WDR93: variants seen among roughly 807,000 people sequenced by gnomAD.
WDR93 encodes WD repeat-containing protein 93.
A neutral mutation model predicts 82.9 loss-of-function variants in WDR93; 73 were observed. The ratio of observed to expected loss-of-function variants is 0.88; its 90% CI spans 0.73 to 1.07. The LOEUF (loss-of-function observed/expected upper bound fraction) is 1.07, where lower values mean the gene tolerates loss of function less well. Among genes scored for constraint, WDR93 ranks in the 50% least tolerant of loss-of-function variants. The pLI is 0.00. For missense variants in WDR93, 738 were observed against 826.0 expected (o/e 0.89, Z 1.31); for synonymous variants, 283 against 300.1 (o/e 0.94, Z 0.59).
At position 89,737,569 on chromosome 15, in the gene WDR93, C is replaced by T. The variant is rs1459700231; in HGVS notation, c.1609-4C>T. 3 of 1,614,166 alleles carry T rather than the reference C, an allele frequency of 1.9e-6. No homozygotes were observed. Among genetic ancestry groups the T allele is most frequent in the Non-Finnish European group, 1.7e-6 (2 of 1,180,012 alleles). The stretch of plus-strand genomic sequence containing the variant: ...GCCCCCCTCACCATCTCTTTGCTTC[C>T]CAGGTGCTCATCTTTTCCAAGAATG... On this transcript the variant is annotated splice_polypyrimidine_tract_variant and splice_region_variant and intron_variant, in intron 14 of 16. Transcript: ENST00000268130.
At chr15:89,691,918 G>A (rs1300086878) in intron 1 of WDR93, among the ~76,000 whole-genome samples, 1 of 152,112 alleles carries the variant, frequency 6.6e-6, no homozygotes, top group Admixed American at 6.5e-5. Flanking sequence ...TTGACAAATA[G>A]ACCCTCATAA....
At chr15:89,738,355 G>C in intron 16 of WDR93, 119 bp downstream of exon 16, 1 of 1,245,486 alleles carries the variant, frequency 8.0e-7, no homozygotes, top group Non-Finnish European at 1.1e-6. Context: ...GGCTGGGCGT[G>C]GTGGCTCACG....
chr15:89,737,684 C>T lies in WDR93; in HGVS notation c.1720C>T (p.Pro574Ser). The T allele has an allele frequency of 6.2e-7, 1 of 1,614,182 alleles. No homozygotes were observed. ...GAFPLEVPWK[P>S]VFAVSPDHPC... Reference sequence around the variant, plus strand: ...CTTTCCTCTGGAGGTCCCCTGGAAGCCAGTGTTTGCTGTGTCTCCAGACCA... The same window carrying T: ...CTTTCCTCTGGAGGTCCCCTGGAAGTCAGTGTTTGCTGTGTCTCCAGACCA... The change falls in exon 15 of 17, where the codon CCA becomes TCA. Residue 574 changes from proline to serine, a missense_variant. Pro to Ser is a moderately conservative substitution (Grantham distance 74). Transcript: ENST00000268130.
intron 11 of WDR93, 74 bp from the exon 12 acceptor site, chr15:89,731,369 C>T: frequency 6.3e-7 from 1 of 1,588,222 alleles, no homozygotes; most frequent in Non-Finnish European, 8.6e-7. Flanking sequence ...GTCTGAGTCA[C>T]AGGTTGTCCA....
intron 11 of WDR93, 134 bp from the exon 12 acceptor site, chr15:89,731,309 G>A: frequency 7.8e-7 from 1 of 1,285,456 alleles, no homozygotes; most frequent in South Asian, 1.4e-5. Context: ...AAGGATGATG[G>A]TGAGTCCAGA....
At position 89,731,428 on chromosome 15, in the gene WDR93, T is replaced by G; in HGVS notation, c.1211-15T>G. 1 of 1,613,928 alleles carries G rather than the reference T, an allele frequency of 6.2e-7. No individual in the cohort carries two copies. The highest frequency in any genetic ancestry group is 8.5e-7 in the Non-Finnish European group (1 of 1,179,890). Reference sequence around the variant, plus strand: ...GAGTCTGGGGGAACCGGTTGAGTATTGTCCTTCCCCCTAGACCCCGAGGGT... The same window carrying G: ...GAGTCTGGGGGAACCGGTTGAGTATGGTCCTTCCCCCTAGACCCCGAGGGT... On this transcript the variant is annotated splice_polypyrimidine_tract_variant and intron_variant, in intron 11 of 16. Transcript: ENST00000268130.
intron 4 of WDR93, among the ~76,000 whole-genome samples, chr15:89,708,440 A>T (rs539739346): frequency 1.1e-4 from 17 of 152,192 alleles, no homozygotes; most frequent in African/African-American, 4.1e-4. Context: ...AGCTGGCTCT[A>T]GTCACCATCA....
rs992546652 is a variant in WDR93 at position 89,714,908 on chromosome 15, A to C, written c.641-72A>C. 9.2e-6 allele frequency: 12 copies of C among 1,304,202 alleles called. No individual in the cohort carries two copies. In the African/African-American group the frequency reaches 1.8e-4, roughly 19 times the overall value. The allele number at this position is 1,304,202 out of a possible 1,614,324, so 80.8% of individuals were successfully genotyped here. ...CTTTGCCAGCAGTTCTAAGAAGAAG[A>C]CAGGCCATTTCTCAGAGGAAACTTG... On this transcript the variant is annotated intron_variant, in intron 5 of 16. Coordinates refer to ENST00000268130, the MANE Select transcript of WDR93 (RefSeq NM_020212.2).
intron 4 of WDR93, among the ~76,000 whole-genome samples, chr15:89,709,470 A>C (rs949589315): frequency 1.3e-5 from 2 of 151,910 alleles, no homozygotes; most frequent in Non-Finnish European, 2.9e-5. Flanking sequence ...TGTAAAAACA[A>C]GCCAAAGACT....
intron 11 of WDR93, among the ~76,000 whole-genome samples, chr15:89,730,267 G>C (rs1426964695): frequency 6.7e-6 from 1 of 150,072 alleles, no homozygotes; most frequent in Non-Finnish European, 1.5e-5. Flanking sequence ...AGAGGTTGCA[G>C]TGAGCCAAGA....
chr15:89,690,761 A>C (rs1045852684), upstream of WDR93: 2 of 602,810 alleles, frequency 3.3e-6, no homozygotes, highest in Admixed American at 6.6e-5. Flanking sequence ...TCTCCGCCCC[A>C]GAGGGGGCGG....
At chr15:89,741,163 T>C (rs1967643358) in intron 16 of WDR93, among the ~76,000 whole-genome samples, 1 of 152,162 alleles carries the variant, frequency 6.6e-6, no homozygotes, top group African/African-American at 2.4e-5. Flanking sequence ...AAATAAGTGT[T>C]AAATATTCTT....
intron 3 of WDR93, chr15:89,704,775 A>G (rs1405731545): frequency 6.6e-6 from 1 of 152,282 alleles, no homozygotes; most frequent in East Asian, 1.9e-4. Context: ...GTATCACACT[A>G]CATTATACTA....
chr15:89,732,919 T>C, intron 12 of WDR93, 87 bp from the exon 13 acceptor site: 3 of 1,274,772 alleles, frequency 2.4e-6, no homozygotes. Context: ...TACAAGTCCC[T>C]CACACACTTG....
chr15:89,723,404 T>C (rs1344053744), intron 8 of WDR93, among the ~76,000 whole-genome samples: 1 of 151,848 alleles, frequency 6.6e-6, no homozygotes, highest in Non-Finnish European at 1.5e-5. Flanking sequence ...ATCACACCAC[T>C]ACACTCCAGC....
At chr15:89,734,996 C>T (rs1049727666) in intron 13 of WDR93, among the ~76,000 whole-genome samples, 1 of 151,510 alleles carries the variant, frequency 6.6e-6, no homozygotes, top group Non-Finnish European at 1.5e-5. Context: ...CTCCTTCCTT[C>T]CTTCCTTCCT....
chr15:89,736,815 G>C (rs1270970470), intron 14 of WDR93, among the ~76,000 whole-genome samples: 1 of 147,784 alleles, frequency 6.8e-6, no homozygotes, highest in Non-Finnish European at 1.5e-5. Context: ...TTTTTGAAAC[G>C]GAGTCTCGCT....
At chr15:89,734,680 C>T (rs995484289) in intron 13 of WDR93, among the ~76,000 whole-genome samples, 2 of 152,096 alleles carry the variant, frequency 1.3e-5, no homozygotes, top group East Asian at 3.9e-4. Context: ...CCTTTGCTTT[C>T]CCTTAAGAAT....
At chr15:89,711,785 C>T (rs993401772) in intron 4 of WDR93, among the ~76,000 whole-genome samples, 4 of 152,172 alleles carry the variant, frequency 2.6e-5, no homozygotes, top group African/African-American at 7.2e-5. Flanking sequence ...TCACCAGGAG[C>T]ATTTAAGAAA....
Sources: allele counts gnomAD v4.1 joint callset (sites outside exome capture counted in the v4.1 genomes callset), GRCh38; gene constraint gnomAD v4.1.1; transcripts MANE v1.5; gene names NCBI Gene and HGNC (gene_info 2026-07-23, HGNC 2026-07-21).